The following KAZN variants were observed in gnomAD, a reference collection of about 807,000 sequenced individuals.
KAZN encodes kazrin, periplakin interacting protein, also known as kazrin.
Under a neutral mutation model 87.4 loss-of-function variants are expected in KAZN, and 40 were observed. The observed-to-expected ratio is 0.46, with a 90% CI of 0.36 to 0.60. KAZN has a LOEUF of 0.60. KAZN is among the 20% of genes least tolerant of loss of function. The probability of loss-of-function intolerance (pLI) is 0.00; values close to 1 mark genes in which losing one functional copy is unlikely to be tolerated. For synonymous variants in KAZN, 466 were observed against 458.3 expected, an observed-to-expected ratio of 1.02 and a Z score of -0.22; for missense variants, 898 against 1,073.9, an observed-to-expected ratio of 0.84 and a Z score of 2.29.
At chr1:14,787,774 G>A (rs188549379) in intron 1 of KAZN, among the ~76,000 whole-genome samples, 7 of 152,234 alleles carry the variant, frequency 4.6e-5, no homozygotes, top group Admixed American at 1.3e-4. Context: ...GACCTGCATC[G>A]CTCTGGAAGG....
intron 1 of KAZN, among the ~76,000 whole-genome samples, chr1:14,128,060 A>G (rs1361850967): frequency 6.6e-6 from 1 of 152,190 alleles, no homozygotes; most frequent in Non-Finnish European, 1.5e-5. Context: ...GGATTGGAGT[A>G]GAAAAGTCCA....
Position 14,640,420 on chromosome 1 carries a change from A to C in KAZN, c.226+41197A>C, listed in dbSNP as rs550756962. On this transcript the variant is annotated intron_variant, in intron 1 of 14. Transcript: ENST00000376030. ...TTCATGATTGCACAGGGTCCAGGGC[A>C]GCCTGTGGTCCCAGGGCAGTGGGTA... 2.6e-5 allele frequency among the ~76,000 whole-genome samples: 4 copies of C among 152,312 alleles called. No homozygotes were observed. In the East Asian group the frequency reaches 7.7e-4, roughly 29 times the overall value.
At chr1:14,968,321 T>G (rs952672116) in intron 2 of KAZN, among the ~76,000 whole-genome samples, 2 of 152,058 alleles carry the variant, frequency 1.3e-5, no homozygotes, top group African/African-American at 4.8e-5. Context: ...GAGGTGGAGC[T>G]CCGGCGGTAA....
At chr1:14,633,922 G>A (rs1434386169) in intron 1 of KAZN, among the ~76,000 whole-genome samples, 6 of 152,064 alleles carry the variant, frequency 3.9e-5, no homozygotes, top group Non-Finnish European at 8.8e-5. Context: ...ACAATTTGGA[G>A]AGAGATGAAA....
upstream of KAZN, chr1:14,598,684 C>A (rs958472115): frequency 1.1e-4 from 142 of 1,288,082 alleles, no homozygotes; most frequent in Non-Finnish European, 1.3e-4. This position sits in a 1 kb window ranked among gnomAD's most constrained non-coding sequence, Gnocchi z 4.2. Flanking sequence ...CGCGCGGTGT[C>A]CTTCTTGGAG....
chr1:15,040,843 A>G (rs1030367044), intron 3 of KAZN, among the ~76,000 whole-genome samples: 8 of 152,112 alleles, frequency 5.3e-5, no homozygotes, highest in South Asian at 2.1e-4. Flanking sequence ...ACATTTCTGA[A>G]AGCTGTGCCA....
At chr1:14,415,860 T>A (rs1421532357) in intron 2 of KAZN, among the ~76,000 whole-genome samples, 1 of 151,830 alleles carries the variant, frequency 6.6e-6, no homozygotes, top group Admixed American at 6.6e-5. Flanking sequence ...CTGGAAAAAA[T>A]GTACTTGAAA....
chr1:14,724,469 C>G (rs1221522129), intron 1 of KAZN, among the ~76,000 whole-genome samples: 1 of 152,194 alleles, frequency 6.6e-6, no homozygotes, highest in African/African-American at 2.4e-5. Flanking sequence ...ACAATAATTA[C>G]CAACCTAAGT....
intron 1 of KAZN, among the ~76,000 whole-genome samples, chr1:13,902,073 C>T (rs1251937933): frequency 1.3e-5 from 2 of 152,206 alleles, no homozygotes; most frequent in African/African-American, 2.4e-5. Context: ...CAGGCAGCCC[C>T]GGGGTGGTCA....
intron 1 of KAZN, among the ~76,000 whole-genome samples, chr1:14,774,031 A>G (rs1456139453): frequency 2.0e-5 from 3 of 152,210 alleles, no homozygotes; most frequent in African/African-American, 7.2e-5. Flanking sequence ...TCAACTCTGC[A>G]TTAAGTCATC....
chr1:14,126,360 C>T (rs1176240740), intron 1 of KAZN, among the ~76,000 whole-genome samples: 35 of 150,698 alleles, frequency 2.3e-4, no homozygotes, highest in African/African-American at 8.0e-4. Flanking sequence ...CCCTCCCCCC[C>T]CCCGTCAAGA....
intron 2 of KAZN, among the ~76,000 whole-genome samples, chr1:14,379,723 A>T (rs1463143870): frequency 6.6e-6 from 1 of 152,226 alleles, no homozygotes; most frequent in Non-Finnish European, 1.5e-5. Flanking sequence ...GCTCAGCCAC[A>T]GTACAATAGA....
chr1:14,517,593 C>T (rs1671364896), intron 2 of KAZN, among the ~76,000 whole-genome samples: 1 of 152,228 alleles, frequency 6.6e-6, no homozygotes, highest in Non-Finnish European at 1.5e-5. Flanking sequence ...TAAGCTCTTC[C>T]AGTCCTGCAC....
At chr1:14,185,823 T>G (rs767492393) in intron 2 of KAZN, among the ~76,000 whole-genome samples, 2 of 152,128 alleles carry the variant, frequency 1.3e-5, no homozygotes, top group Non-Finnish European at 2.9e-5. Flanking sequence ...GTGTCTAGGG[T>G]TTTTTTAAAT....
At chr1:14,569,359 G>A (rs1674725308) in intron 2 of KAZN, among the ~76,000 whole-genome samples, 1 of 113,030 alleles carries the variant, frequency 8.8e-6, no homozygotes, top group South Asian at 2.8e-4. Flanking sequence ...GTCTCGCTCT[G>A]TCACCCAGGC....
intron 5 of KAZN, among the ~76,000 whole-genome samples, chr1:15,059,219 G>A (rs1638567387): frequency 6.6e-6 from 1 of 151,772 alleles, no homozygotes; most frequent in African/African-American, 2.4e-5. Flanking sequence ...CTACAGGCAT[G>A]AGCCACCATG....
At chr1:14,989,204 G>A (rs953750674) in intron 2 of KAZN, among the ~76,000 whole-genome samples, 3 of 152,206 alleles carry the variant, frequency 2.0e-5, no homozygotes, top group South Asian at 2.1e-4. Context: ...AGCTGGGCAC[G>A]GTGGCTCACG....
intron 2 of KAZN, among the ~76,000 whole-genome samples, chr1:14,584,297 C>G (rs888920282): frequency 2.0e-5 from 3 of 152,178 alleles, no homozygotes; most frequent in African/African-American, 7.2e-5. Flanking sequence ...CTGTCTTTTT[C>G]CTTTGAGGCA....
At chr1:14,145,309 G>A (rs753684947) in intron 1 of KAZN, among the ~76,000 whole-genome samples, 27 of 152,032 alleles carry the variant, frequency 1.8e-4, no homozygotes, top group Admixed American at 5.2e-4. Flanking sequence ...GCCGGGCATG[G>A]TGGCATGTTC....
Sources: gnomAD v4.1 joint callset for allele counts (sites outside exome capture counted in the v4.1 genomes callset) on GRCh38, gnomAD v4.1.1 for gene constraint, Gnocchi (gnomAD v3.1) non-coding constraint, MANE v1.5 for transcripts, NCBI Gene and HGNC (gene_info 2026-07-23, HGNC 2026-07-21) for gene names.